The following RIPOR1 variants were observed in gnomAD, a reference collection of about 807,000 sequenced individuals.
RIPOR1 encodes rho family-interacting cell polarization regulator 1.
In RIPOR1, 58 loss-of-function variants were observed where a neutral mutation model predicts 116.5. The ratio of observed to expected loss-of-function variants is 0.50; its 90% confidence interval spans 0.40 to 0.62. The LOEUF (loss-of-function observed/expected upper bound fraction) is 0.62, where lower values mean the gene tolerates loss of function less well. RIPOR1 is among the 20% of genes least tolerant of loss of function. The pLI is 0.00. For missense variants in RIPOR1, 1,372 were observed against 1,586.2 expected (o/e 0.86, Z 2.29); for synonymous variants, 605 against 650.0 (o/e 0.93, Z 1.05).
In RIPOR1 at chr16:67,529,382, C is replaced by G. The variant is rs960353833; in HGVS notation, c.-24+468C>G. 1 of 179,764 alleles carries G rather than the reference C, an allele frequency of 5.6e-6. No individual in the cohort carries two copies. The highest frequency in any genetic ancestry group is 1.2e-5 in the Non-Finnish European group (1 of 85,692). 11.1% of individuals were successfully genotyped at this position (179,764 alleles called of 1,614,324 possible). On this transcript the variant is annotated intron_variant, in intron 1 of 21. Coordinates refer to ENST00000042381, the MANE Select transcript of RIPOR1 (RefSeq NM_024519.4). This position sits in a 1 kb window ranked among gnomAD's most constrained non-coding sequence, Gnocchi z 4.1. ...TCCTAGCTCTAGGGGCCGGCCTAAG[C>G]GGCTTTGTGGCCGGCCCCGAGGTGA...
At position 67,542,260 on chromosome 16, in the gene RIPOR1, A is replaced by C. The variant is rs771642127; in HGVS notation, c.1474A>C (p.Ser492Arg). The C allele has an allele frequency of 4.3e-6, 7 of 1,613,748 alleles. No individual in the cohort carries two copies. Among genetic ancestry groups the C allele is most frequent in the South Asian group, 3.3e-5 (3 of 91,074 alleles). The change falls in exon 13 of 22, where the codon AGT becomes CGT. Residue 492 changes from serine (S) to arginine (R), a missense_variant. Around this residue, in one of 3 missense-constraint regions of RIPOR1, gnomAD observed 1,005 missense variants for 1,144.7 expected, o/e 0.88. Coordinates refer to ENST00000042381, the MANE Select transcript of RIPOR1 (RefSeq NM_024519.4). This position sits in a 1 kb window ranked among gnomAD's most constrained non-coding sequence, Gnocchi z 4.6. Reference protein sequence around the residue: ...HPAPTHGEHPSPVPPALDPGH... With the variant: ...HPAPTHGEHPRPVPPALDPGH... ...AGCTCCCACCCATGGAGAGCACCCC[A>C]GTCCTGTTCCTCCTGCCCTGGACCC...
Position 67,539,837 on chromosome 16 carries a change from C to G in RIPOR1, c.361-9C>G, listed in dbSNP as rs775021325. 8.1e-6 allele frequency: 13 copies of G among 1,614,100 alleles called. No homozygotes were observed. The Admixed American group carries it at 2.2e-4, about 27-fold the overall frequency. ...GCCTCAGGCCCCTCCTGACCCACCTCTCCCCCAGCAAGTCAAGTCCATTGA... is the reference window on the plus strand; with the variant it reads ...GCCTCAGGCCCCTCCTGACCCACCTGTCCCCCAGCAAGTCAAGTCCATTGA... On this transcript the variant is annotated splice_polypyrimidine_tract_variant and intron_variant, in intron 5 of 21. Transcript: ENST00000042381.
At chr16:67,532,899 T>C (rs552528858) in intron 1 of RIPOR1, among the ~76,000 whole-genome samples, 1 of 152,340 alleles carries the variant, frequency 6.6e-6, no homozygotes, top group East Asian at 1.9e-4. Context: ...GATTGCAGGT[T>C]AGAGTGGAGA....
Position 67,542,378 on chromosome 16 carries a change from A to G in RIPOR1, c.1592A>G (p.His531Arg), listed in dbSNP as rs547309758. ...CCATCTGCACACCTAGACTCAGTTC[A>G]TAAGTCCACAGACTCTGGCCCTTCA... The part of the protein sequence containing the change: ...PAPSAHLDSV[H>R]KSTDSGPSEL... Residue 531 changes from histidine to arginine, a missense_variant, in exon 13 of 22, where the codon CAT becomes CGT. Physicochemically the swap from His to Arg is conservative, Grantham distance 29. Transcript: ENST00000042381. The surrounding 1 kb of genome is among the most constrained non-coding windows in gnomAD (Gnocchi z 4.6). 3.8e-5 allele frequency: 61 copies of G among 1,613,900 alleles called. No individual in the cohort carries two copies. Among genetic ancestry groups the G allele is most frequent in the Admixed American group, 2.5e-4 (15 of 59,992 alleles).
intron 1 of RIPOR1, among the ~76,000 whole-genome samples, chr16:67,534,245 C>T (rs909497391): frequency 2.6e-5 from 4 of 151,634 alleles, no homozygotes; most frequent in South Asian, 2.1e-4. Context: ...CTCAGCCTCC[C>T]GAGTAGGTGG....
Position 67,538,554 on chromosome 16 carries a change from C to T in RIPOR1, c.104+4C>T. On this transcript the variant is annotated splice_donor_region_variant and intron_variant, in intron 2 of 21. Coordinates refer to ENST00000042381, the MANE Select transcript of RIPOR1 (RefSeq NM_024519.4). ...GCAGCCACGAGCGGGGGCCCAGGTACGCGGCCGCGCAGGGTTGGTGGGGTC... is the reference window on the plus strand; with the variant it reads ...GCAGCCACGAGCGGGGGCCCAGGTATGCGGCCGCGCAGGGTTGGTGGGGTC... 6.3e-7 allele frequency: 1 copy of T among 1,576,580 alleles called. No individual in the cohort carries two copies. Among genetic ancestry groups the T allele is most frequent in the Middle Eastern group, 1.7e-4 (1 of 6,050 alleles).
In RIPOR1 at chr16:67,543,903, C is replaced by T. The variant is rs2051081007; in HGVS notation, c.2601-396C>T. On this transcript the variant is annotated intron_variant, in intron 14 of 21. Transcript: ENST00000042381. The surrounding 1 kb of genome is among the most constrained non-coding windows in gnomAD (Gnocchi z 4.7). Reference sequence around the variant, plus strand: ...TCTCCCAGAGGCCCTGGCCCCTCAACTGTCAGTCCTGGAGTGGCCTTTGCT... The same window carrying T: ...TCTCCCAGAGGCCCTGGCCCCTCAATTGTCAGTCCTGGAGTGGCCTTTGCT... The T allele has an allele frequency of 8.3e-6, 3 of 361,050 alleles. No homozygotes were observed. The highest frequency in any genetic ancestry group is 5.1e-6 in the Non-Finnish European group (1 of 194,626). The allele number at this position is 361,050 out of a possible 1,614,324, so 22.4% of individuals were successfully genotyped here.
Position 67,522,191 on chromosome 16 carries a change from A to ATTTTTTTT in RIPOR1, c.-24+3600_-24+3607dup, listed in dbSNP as rs34835336. Among the ~76,000 whole-genome samples the ATTTTTTTT allele has an allele frequency of 1.4e-3, 98 of 71,328 alleles. 7 individuals carry two copies. Among genetic ancestry groups the ATTTTTTTT allele is most frequent in the African/African-American group, 1.7e-3 (29 of 17,486 alleles). 46.8% of individuals were successfully genotyped at this position (71,328 alleles called of 152,430 possible). A position where few individuals can be genotyped will look rare whatever the true frequency, so the allele number is the denominator to read the frequency against. The stretch of plus-strand genomic sequence containing the variant: ...TACAGGCGTGTGCCACCACGCCCAG[A>ATTTTTTTT]TTTTTTTTTTTTTTTTTTTTTTTTT... On this transcript the variant is annotated intron_variant, in intron 1 of 1. Transcript: ENST00000562116.
At position 67,529,669 on chromosome 16, in the gene RIPOR1, C is replaced by A; in HGVS notation, c.-24+755C>A. On this transcript the variant is annotated intron_variant, in intron 1 of 21. Coordinates refer to ENST00000042381, the MANE Select transcript of RIPOR1 (RefSeq NM_024519.4). This position sits in a 1 kb window ranked among gnomAD's most constrained non-coding sequence, Gnocchi z 4.1. ...CCTGAGTCCGGCCTCCCCTACAGAC[C>A]CTCCCCAGCCAGTTCTAACGTGTGT... 1 of 1,270,578 alleles carries A rather than the reference C, an allele frequency of 7.9e-7. No homozygotes were observed. Among genetic ancestry groups the A allele is most frequent in the Non-Finnish European group, 1.1e-6 (1 of 927,442 alleles). The allele number at this position is 1,270,578 out of a possible 1,614,324, so 78.7% of individuals were successfully genotyped here.
At position 67,544,919 on chromosome 16, in the gene RIPOR1, C is replaced by T; in HGVS notation, c.2870-37C>T. The stretch of plus-strand genomic sequence containing the variant: ...ATCTGCATGCTCTCTACTCACCTGC[C>T]TGCCTGTTGCTGACGGTTTCCCTCA... On this transcript the variant is annotated intron_variant, in intron 16 of 21. Coordinates refer to ENST00000042381, the MANE Select transcript of RIPOR1 (RefSeq NM_024519.4). The surrounding 1 kb of genome is among the most constrained non-coding windows in gnomAD (Gnocchi z 5.1). 1 of 1,608,126 alleles carries T rather than the reference C, an allele frequency of 6.2e-7. No homozygotes were observed. The highest frequency in any genetic ancestry group is 8.5e-7 in the Non-Finnish European group (1 of 1,177,986).
Position 67,543,702 on chromosome 16 carries a change from C to T in RIPOR1, c.2600+233C>T, listed in dbSNP as rs1018750806. On this transcript the variant is annotated intron_variant, in intron 14 of 21. Transcript: ENST00000042381. This position sits in a 1 kb window ranked among gnomAD's most constrained non-coding sequence, Gnocchi z 4.7. ...TACGTGTGTCCCCAGTGCTTCTGACCGCCCTCTTCATCTCTGCAATGTCTG... is the reference window on the plus strand; with the variant it reads ...TACGTGTGTCCCCAGTGCTTCTGACTGCCCTCTTCATCTCTGCAATGTCTG... 1.8e-5 allele frequency: 11 copies of T among 602,810 alleles called. No homozygotes were observed. The highest frequency in any genetic ancestry group is 1.8e-4 in the South Asian group (9 of 51,426). 37.3% of individuals were successfully genotyped at this position (602,810 alleles called of 1,614,324 possible).
In RIPOR1 at chr16:67,530,503, G is replaced by A. The variant is rs2050631669; in HGVS notation, c.-24+1589G>A. On this transcript the variant is annotated intron_variant, in intron 1 of 21. Coordinates refer to ENST00000042381, the MANE Select transcript of RIPOR1 (RefSeq NM_024519.4). The surrounding 1 kb of genome is among the most constrained non-coding windows in gnomAD (Gnocchi z 4.5). ...CCCTTCTCCCTTGCAGCCGCCCCTT[G>A]CCCAGGTTATTTTTAGCCTCTGTTT... Among the ~76,000 whole-genome samples the A allele has an allele frequency of 1.3e-5, 2 of 152,216 alleles. No homozygotes were observed. Among genetic ancestry groups the A allele is most frequent in the South Asian group, 4.1e-4 (2 of 4,834 alleles).
chr16:67,539,126 G>GACA, intron 4 of RIPOR1, 58 bp downstream of exon 4: 1 of 1,416,832 alleles, frequency 7.1e-7, no homozygotes, highest in Non-Finnish European at 9.8e-7. Flanking sequence ...GCTGGGCAAG[G>GACA]GCAGCCCTGG....
Position 67,540,366 on chromosome 16 carries a change from A to G in RIPOR1, c.631+3A>G, listed in dbSNP as rs1364845824. The stretch of plus-strand genomic sequence containing the variant: ...CGAGTTTCATCTCCGAATGAAAGGT[A>G]CTGAGTTGTGGGGGCAGGTGGGGGG... On this transcript the variant is annotated splice_donor_region_variant and intron_variant, in intron 8 of 21. Coordinates refer to ENST00000042381, the MANE Select transcript of RIPOR1 (RefSeq NM_024519.4). The surrounding 1 kb of genome is among the most constrained non-coding windows in gnomAD (Gnocchi z 4.7). 1 of 1,613,994 alleles carries G rather than the reference A, an allele frequency of 6.2e-7. No homozygotes were observed. The highest frequency in any genetic ancestry group is 1.3e-5 in the African/African-American group (1 of 74,894).
In RIPOR1 at chr16:67,529,956, G is replaced by C; in HGVS notation, c.-24+1042G>C. ...CGACACCCACCTCCGTGGTATTGGA[G>C]GGAGGAGAGGAATGATAATTGGGGG... On this transcript the variant is annotated intron_variant, in intron 1 of 21. Transcript: ENST00000042381. This position sits in a 1 kb window ranked among gnomAD's most constrained non-coding sequence, Gnocchi z 4.1. 2 of 802,682 alleles carry C rather than the reference G, an allele frequency of 2.5e-6. No individual in the cohort carries two copies. The highest frequency in any genetic ancestry group is 2.9e-5 in the South Asian group (2 of 69,282). The allele number at this position is 802,682 out of a possible 1,614,324, so 49.7% of individuals were successfully genotyped here.
Position 67,540,838 on chromosome 16 carries a change from C to T in RIPOR1, c.801+134C>T. 2 of 985,600 alleles carry T rather than the reference C, an allele frequency of 2.0e-6. No individual in the cohort carries two copies. The highest frequency in any genetic ancestry group is 3.3e-5 in the South Asian group (2 of 61,528). The allele number at this position is 985,600 out of a possible 1,614,324, so 61.1% of individuals were successfully genotyped here. ...TGTGAAGATATGATTCCATGACCTT[C>T]ATGATCTCTGTGGCCCTGAGAGGAA... On this transcript the variant is annotated intron_variant, in intron 10 of 21. Coordinates refer to ENST00000042381, the MANE Select transcript of RIPOR1 (RefSeq NM_024519.4). This position sits in a 1 kb window ranked among gnomAD's most constrained non-coding sequence, Gnocchi z 4.7.
At position 67,521,871 on chromosome 16, in the gene RIPOR1, A is replaced by G. The variant is rs34054222; in HGVS notation, c.-24+3258A>G. On this transcript the variant is annotated intron_variant, in intron 1 of 1. Transcript: ENST00000562116. ...ATGTTGATTGCAAACCATTATTTGT[A>G]TGAATAAATACAAAGAAGAAAATAA... Among the ~76,000 whole-genome samples the G allele has an allele frequency of 7.6e-3, 1,162 of 152,354 alleles. 20 individuals are homozygous for G. Among genetic ancestry groups the G allele is most frequent in the African/African-American group, 0.026 (1,098 of 41,576 alleles).
rs140402307 is a variant in RIPOR1, at chr16:67,538,703, C to T, written c.136C>T (p.Pro46Ser). ...SFPVFSPPGP[P>S]RKPPALSRVS... is the part of the protein sequence containing the mutation. ...CCCGGTCTTCAGCCCGCCGGGGCCC[C>T]CACGGAAGCCCCCCGCGCTCTCCCG... Residue 46 changes from proline (P) to serine (S), a missense_variant, in exon 3 of 22, where the codon CCA (proline) becomes TCA (serine). Around this residue, in one of 3 missense-constraint regions of RIPOR1, gnomAD observed 165 missense variants for 145.5 expected, o/e 1.13. Transcript: ENST00000042381. The T allele has an allele frequency of 2.1e-4, 335 of 1,613,284 alleles. No homozygotes were observed. The East Asian group carries it at 7.1e-3, about 34-fold the overall frequency.
upstream of RIPOR1, among the ~76,000 whole-genome samples, chr16:67,527,399 A>AAAAG (rs1484871239): frequency 1.3e-5 from 2 of 152,082 alleles, no homozygotes; most frequent in East Asian, 3.9e-4. Flanking sequence ...AAAAAAACAA[A>AAAAG]AAAGAAAGAA....
Sources: allele counts gnomAD v4.1 joint callset (sites outside exome capture counted in the v4.1 genomes callset), GRCh38; gene constraint gnomAD v4.1.1; regional missense constraint gnomAD v4.1.1; non-coding constraint Gnocchi (gnomAD v3.1); transcripts MANE v1.5; gene names NCBI Gene and HGNC (gene_info 2026-07-23, HGNC 2026-07-21).